PASK: variants seen among roughly 807,000 people sequenced by gnomAD.
PASK encodes the protein PAS domain containing serine/threonine kinase.
In PASK, 110 loss-of-function variants were observed where a neutral mutation model predicts 121.0. The ratio of observed to expected loss-of-function variants is 0.91; its 90% confidence interval spans 0.78 to 1.06. The LOEUF (loss-of-function observed/expected upper bound fraction) is 1.06, where lower values mean the gene tolerates loss of function less well. Among genes scored for constraint, PASK ranks in the 50% least tolerant of loss-of-function variants. PASK has a pLI of 0.00. For synonymous variants in PASK, 686 were observed against 717.8 expected (o/e 0.96, Z 0.71); for missense variants, 1,643 against 1,702.3 (o/e 0.97, Z 0.61).
intron 10 of PASK, among the ~76,000 whole-genome samples, chr2:241,124,984 G>A (rs527832924): frequency 8.8e-4 from 134 of 151,924 alleles, no homozygotes; most frequent in African/African-American, 3.2e-3. Flanking sequence ...GGCTAACACG[G>A]TGAAACCCCA....
At chr2:241,146,550 C>T (rs564661594) in intron 1 of PASK, among the ~76,000 whole-genome samples, 1 of 152,246 alleles carries the variant, frequency 6.6e-6, no homozygotes, top group African/African-American at 2.4e-5. Flanking sequence ...ATATTCATAC[C>T]ACTAATTACA....
chr2:241,113,758 T>C (rs1285100903), intron 14 of PASK: 2 of 985,342 alleles, frequency 2.0e-6, no homozygotes, highest in Admixed American at 1.2e-4. Flanking sequence ...GGACTGGCCA[T>C]GCTGCCCTGG....
At chr2:241,111,075 A>G (rs906029425) in intron 15 of PASK, among the ~76,000 whole-genome samples, 2 of 152,168 alleles carry the variant, frequency 1.3e-5, no homozygotes, top group Non-Finnish European at 2.9e-5. Context: ...TGCACCTCCT[A>G]ATGAAATATG....
chr2:241,114,633 C>T, intron 14 of PASK: 1 of 1,101,060 alleles, frequency 9.1e-7, no homozygotes, highest in Non-Finnish European at 1.1e-6. Context: ...CTCAGTTTTG[C>T]TGGTTAATTA....
intron 7 of PASK, 133 bp from the exon 8 acceptor site, chr2:241,136,172 C>A: frequency 1.3e-6 from 1 of 799,228 alleles, no homozygotes; most frequent in Non-Finnish European, 2.2e-6. Context: ...GGAAAGGCCT[C>A]GGGCCAAATG....
At chr2:241,122,996 G>T in intron 11 of PASK, 97 bp from the exon 12 acceptor site, 1 of 1,210,888 alleles carries the variant, frequency 8.3e-7, no homozygotes, top group Non-Finnish European at 1.2e-6. Flanking sequence ...GCAGCCGCCC[G>T]AGGCAGGTGT....
chr2:241,145,586 G>C (rs1192717619), intron 1 of PASK, among the ~76,000 whole-genome samples: 2 of 151,970 alleles, frequency 1.3e-5, no homozygotes, highest in Non-Finnish European at 2.9e-5. Flanking sequence ...AGATTAATAA[G>C]TTTAACGTTA....
Position 241,115,325 on chromosome 2 carries a change from G to A in PASK, c.3161C>T (p.Ala1054Val). The A allele has an allele frequency of 1.2e-6, 2 of 1,613,940 alleles. No homozygotes were observed. Among genetic ancestry groups the A allele is most frequent in the Non-Finnish European group, 1.7e-6 (2 of 1,179,884 alleles). Reference protein sequence around the residue: ...PKLGKVTLEIAILSRVEHANI... With the variant: ...PKLGKVTLEIVILSRVEHANI... Reference sequence around the variant, plus strand: ...GGCGTGCTCCACCCTGGATAGAATTGCGATCTCTAAAGTAACTTTCCCAAG... The same window carrying A: ...GGCGTGCTCCACCCTGGATAGAATTACGATCTCTAAAGTAACTTTCCCAAG... Residue 1054 changes from alanine (A) to valine (V), a missense_variant, in exon 13 of 18, where the codon GCA (alanine) becomes GTA (valine). Ala to Val is a moderately conservative substitution (Grantham distance 64, BLOSUM62 0). Transcript: ENST00000234040.
Position 241,138,105 on chromosome 2 carries a change from T to C in PASK, c.742-18A>G. Reference sequence around the variant, plus strand: ...ACGGTGCCCTGGAGGAAAAGCCCCGTGCTTATCATAAAAGCTTCTTGTGCT... The same window carrying C: ...ACGGTGCCCTGGAGGAAAAGCCCCGCGCTTATCATAAAAGCTTCTTGTGCT... On this transcript the variant is annotated intron_variant, in intron 5 of 17. Transcript: ENST00000234040. 6.2e-7 allele frequency: 1 copy of C among 1,613,556 alleles called. No homozygotes were observed. The highest frequency in any genetic ancestry group is 8.5e-7 in the Non-Finnish European group (1 of 1,179,714).
At chr2:241,135,286 C>T (rs1009329937) in intron 8 of PASK, among the ~76,000 whole-genome samples, 4 of 152,154 alleles carry the variant, frequency 2.6e-5, no homozygotes, top group African/African-American at 7.2e-5. Flanking sequence ...GCAGTCAACC[C>T]TCAGTACACT....
rs11408969 is a variant in PASK, at chr2:241,112,514, CA to C, written c.3334-76del. 1.4e-4 allele frequency: 121 copies of C among 842,540 alleles called. No homozygotes were observed. The highest frequency in any genetic ancestry group is 1.8e-4 in the Non-Finnish European group (99 of 542,122). 52.2% of individuals were successfully genotyped at this position (842,540 alleles called of 1,614,324 possible). On this transcript the variant is annotated intron_variant, in intron 14 of 17. Transcript: ENST00000234040. This position sits in a 1 kb window ranked among gnomAD's most constrained non-coding sequence, Gnocchi z 5.2. ...AATATGCATTTAAAATAAACTGGAA[CA>C]AAAAAAAACACAAAGAAAAAATAAA... is the stretch of plus-strand genomic sequence containing the variant.
chr2:241,111,973 A>G (rs886853743), intron 15 of PASK, among the ~76,000 whole-genome samples: 1 of 152,240 alleles, frequency 6.6e-6, no homozygotes, highest in Non-Finnish European at 1.5e-5. Context: ...GGACTCTTCA[A>G]TATTTTTCTT....
intron 12 of PASK, among the ~76,000 whole-genome samples, chr2:241,119,623 C>T (rs2065520587): frequency 6.6e-6 from 1 of 152,170 alleles, no homozygotes; most frequent in Admixed American, 6.5e-5. Flanking sequence ...GTGCCCGCCA[C>T]CACGCCCGGC....
At chr2:241,117,825 T>C (rs55957544) in intron 12 of PASK, among the ~76,000 whole-genome samples, 10,171 of 152,188 alleles carry the variant, frequency 0.067, 477 homozygotes, top group East Asian at 0.21. Context: ...CTTTAATACA[T>C]ACAAGGACTG....
In PASK at chr2:241,149,441, C is replaced by G. The variant is rs962694422; in HGVS notation, c.-70G>C. The G allele has an allele frequency of 8.8e-6, 5 of 565,004 alleles. No homozygotes were observed. Among genetic ancestry groups the G allele is most frequent in the African/African-American group, 3.9e-5 (2 of 51,870 alleles). 35.0% of individuals were successfully genotyped at this position (565,004 alleles called of 1,614,324 possible). ...GGATCAGGCGAGGGTCACGCCAAGC[C>G]GGCTACACACCACGGAAAGGAGCCC... On this transcript the variant is annotated 5_prime_UTR_variant, in exon 1 of 18. Coordinates refer to ENST00000234040, the MANE Select transcript of PASK (RefSeq NM_015148.4).
chr2:241,148,386 A>G (rs2067078876), intron 1 of PASK, among the ~76,000 whole-genome samples: 4 of 152,214 alleles, frequency 2.6e-5, no homozygotes, highest in Non-Finnish European at 5.9e-5. Context: ...AAGGAGAACC[A>G]GTTTCAGGAT....
chr2:241,139,807 G>T, intron 4 of PASK, 78 bp downstream of exon 4: 1 of 1,372,734 alleles, frequency 7.3e-7, no homozygotes. Flanking sequence ...AGAGCTCCTG[G>T]TAGGGAACAC....
Position 241,137,221 on chromosome 2 carries a change from G to GT in PASK, c.919dup (p.Thr307AsnfsTer22). On this transcript the variant is annotated frameshift_variant, in exon 7 of 18. Transcript: ENST00000234040. LOFTEE classifies it high-confidence loss of function. ...CAGCTTTAAGCTCAGAGGGAAGGTG[G>GT]TACCGTCCCTGGCTCTTCCAACAGA... 6.2e-7 allele frequency: 1 copy of GT among 1,606,902 alleles called. No individual in the cohort carries two copies. The highest frequency in any genetic ancestry group is 8.5e-7 in the Non-Finnish European group (1 of 1,173,398).
chr2:241,138,204 A>T, intron 5 of PASK, 117 bp from the exon 6 acceptor site: 2 of 1,007,956 alleles, frequency 2.0e-6, no homozygotes, highest in Non-Finnish European at 1.5e-6. Context: ...CTCCATCGGA[A>T]GGGCAAGAGA....
Sources: gnomAD v4.1 joint callset for allele counts (sites outside exome capture counted in the v4.1 genomes callset) on GRCh38, gnomAD v4.1.1 for gene constraint, Gnocchi (gnomAD v3.1) non-coding constraint, MANE v1.5 for transcripts, NCBI Gene and HGNC (gene_info 2026-07-23, HGNC 2026-07-21) for gene names.